Variants in CAST observed in about 807,000 individuals in gnomAD.
CAST encodes the protein calpastatin.
A neutral mutation model predicts 119.6 loss-of-function variants in CAST; 76 were observed. The ratio of observed to expected loss-of-function variants is 0.64; its 90% CI spans 0.53 to 0.77. CAST has a LOEUF of 0.77. Ranked by LOEUF, CAST falls within the 30% of genes least tolerant of loss-of-function variation. The pLI is 0.00. For missense variants in CAST, 953 were observed against 946.5 expected (o/e 1.01, Z -0.09); for synonymous variants, 319 against 331.6 (o/e 0.96, Z 0.41).
intron 1 of CAST, among the ~76,000 whole-genome samples, chr5:96,616,858 T>C (rs879782798): frequency 1.3e-5 from 2 of 151,164 alleles, no homozygotes; most frequent in Non-Finnish European, 2.9e-5. Context: ...GCCAAGATTA[T>C]CAAAAAAATT....
In CAST at chr5:96,616,721, G is replaced by GCTCTCTCT. The variant is rs1411448503; in HGVS notation, c.61-58815_61-58814insTCTCTCTC. On this transcript the variant is annotated intron_variant, in intron 1 of 11. Transcript: ENST00000505143. ...ATGTGTGGCCTCTTAGACACCAAGC[G>GCTCTCTCT]CTCGCTCGCTCTCTCTCTCTCTCTA... is the stretch of plus-strand genomic sequence containing the variant. 1.3e-4 allele frequency among the ~76,000 whole-genome samples: 18 copies of GCTCTCTCT among 140,534 alleles called. No individual in the cohort carries two copies. The East Asian group carries it at 3.2e-3, about 25-fold the overall frequency. 92.2% of individuals were successfully genotyped at this position (140,534 alleles called of 152,430 possible).
chr5:96,232,466 G>A, the CAST span, among the ~76,000 whole-genome samples: 1 of 152,056 alleles, frequency 6.6e-6, no homozygotes, highest in African/African-American at 2.4e-5. Flanking sequence ...AATCTATGGG[G>A]ATCTGCAGAA....
At chr5:96,063,602 A>G in the CAST span, among the ~76,000 whole-genome samples, 2 of 152,176 alleles carry the variant, frequency 1.3e-5, no homozygotes, top group African/African-American at 4.8e-5. Flanking sequence ...TAAATCAGCA[A>G]AGAGCAGAGA....
At chr5:96,644,831 C>T (rs1364484480) in intron 1 of CAST, among the ~76,000 whole-genome samples, 1 of 152,114 alleles carries the variant, frequency 6.6e-6, no homozygotes, top group Non-Finnish European at 1.5e-5. Context: ...AAAAATTAGC[C>T]TAGCAGTAGT....
the CAST span, among the ~76,000 whole-genome samples, chr5:96,106,407 A>T: frequency 1.3e-5 from 2 of 152,090 alleles, no homozygotes; most frequent in Non-Finnish European, 1.5e-5. Context: ...CGTCCCAGAG[A>T]TTCTGGTATG....
chr5:96,676,626 G>A (rs1750742066), intron 2 of CAST, among the ~76,000 whole-genome samples: 3 of 151,842 alleles, frequency 2.0e-5, no homozygotes, highest in Admixed American at 1.3e-4. Flanking sequence ...GCCATGAAAG[G>A]CAAATGTTTC....
At chr5:96,427,671 G>A in the CAST span, among the ~76,000 whole-genome samples, 7 of 152,136 alleles carry the variant, frequency 4.6e-5, no homozygotes, top group African/African-American at 1.7e-4. Flanking sequence ...GATACTTTGA[G>A]TAAGAATAAC....
At chr5:96,107,935 T>A in the CAST span, among the ~76,000 whole-genome samples, 1 of 151,948 alleles carries the variant, frequency 6.6e-6, no homozygotes. Context: ...TTTTATTCTT[T>A]TTTCTCTAAA....
At chr5:96,474,403 CA>C in the CAST span, among the ~76,000 whole-genome samples, 1 of 136,930 alleles carries the variant, frequency 7.3e-6, no homozygotes, top group South Asian at 2.6e-4. Context: ...TCTCCATATT[CA>C]AAGTCTGAGC....
At position 96,747,369 on chromosome 5, in the gene CAST, C is replaced by G; in HGVS notation, c.1309C>G (p.Pro437Ala). ...GGATAAAGATGGAAAACCACTATTG[C>G]CAGAGCCTGAAGAAAAACCCAAGGT... The part of the protein sequence containing the change: ...ATDKDGKPLL[P>A]EPEEKPKPRS... The change falls in exon 18 of 32, where the codon CCA becomes GCA. Residue 437 changes from proline to alanine, a missense_variant. Coordinates refer to ENST00000675179, the MANE Select transcript of CAST (RefSeq NM_001750.7). 3 of 1,595,296 alleles carry G rather than the reference C, an allele frequency of 1.9e-6. No individual in the cohort carries two copies. The highest frequency in any genetic ancestry group is 2.2e-5 in the East Asian group (1 of 44,684).
chr5:96,238,591 T>C, the CAST span, among the ~76,000 whole-genome samples: 1 of 146,462 alleles, frequency 6.8e-6, no homozygotes, highest in African/African-American at 2.5e-5. Context: ...GTAGAGATGG[T>C]GTTTCACCAC....
the CAST span, among the ~76,000 whole-genome samples, chr5:96,446,719 A>G: frequency 6.6e-6 from 1 of 152,216 alleles, no homozygotes; most frequent in Non-Finnish European, 1.5e-5. Flanking sequence ...AAAGGAAGTC[A>G]GGCATAAGGT....
chr5:96,488,406 G>A, the CAST span, among the ~76,000 whole-genome samples: 1 of 151,978 alleles, frequency 6.6e-6, no homozygotes, highest in African/African-American at 2.4e-5. Context: ...ATACATTGAT[G>A]AACCTCCTCT....
chr5:96,313,451 T>G, the CAST span, among the ~76,000 whole-genome samples: 1 of 152,212 alleles, frequency 6.6e-6, no homozygotes, highest in African/African-American at 2.4e-5. Flanking sequence ...CTTCTGAGTC[T>G]GGCTTCTTCC....
chr5:96,145,532 A>AT, the CAST span, among the ~76,000 whole-genome samples: 37 of 151,962 alleles, frequency 2.4e-4, no homozygotes, highest in African/African-American at 7.2e-4. Context: ...AACAACTTAC[A>AT]TTTTTTTTAA....
the CAST span, among the ~76,000 whole-genome samples, chr5:96,185,565 A>G: frequency 6.6e-6 from 1 of 152,180 alleles, no homozygotes; most frequent in Non-Finnish European, 1.5e-5. Context: ...TTTTCTGCAT[A>G]TGGCTAGCCA....
the CAST span, among the ~76,000 whole-genome samples, chr5:96,182,419 T>C: frequency 6.6e-6 from 1 of 152,230 alleles, no homozygotes; most frequent in Non-Finnish European, 1.5e-5. Context: ...AAAAGAAGTA[T>C]TCTTCTCTGA....
chr5:96,014,382 T>G, the CAST span, among the ~76,000 whole-genome samples: 4 of 152,140 alleles, frequency 2.6e-5, no homozygotes, highest in Non-Finnish European at 5.9e-5. Context: ...TTAACTTTTT[T>G]TTATTATAAG....
chr5:96,661,104 A>G (rs907325230), upstream of CAST, among the ~76,000 whole-genome samples: 1 of 151,848 alleles, frequency 6.6e-6, no homozygotes, highest in African/African-American at 2.4e-5. Context: ...ATATAGCATG[A>G]CAAATCTCTC....
Sources: allele counts gnomAD v4.1 joint callset (sites outside exome capture counted in the v4.1 genomes callset), GRCh38; gene constraint gnomAD v4.1.1; transcripts MANE v1.5; gene names NCBI Gene and HGNC (gene_info 2026-07-23, HGNC 2026-07-21).